Variants in ITCH observed in about 807,000 individuals in gnomAD.
The protein encoded by ITCH is itchy E3 ubiquitin protein ligase, also known as E3 ubiquitin-protein ligase Itchy homolog.
ITCH carries 28 observed loss-of-function variants against 126.8 expected under a neutral mutation model. The ratio of observed to expected loss-of-function variants is 0.22; its 90% confidence interval spans 0.16 to 0.30. ITCH has a LOEUF of 0.30. Among genes scored for constraint, ITCH ranks in the 10% least tolerant of loss-of-function variants. The pLI, the probability that ITCH is intolerant of heterozygous loss-of-function variation, is 1.00. For missense variants in ITCH, 631 were observed against 1,032.4 expected, an observed-to-expected ratio of 0.61 and a Z score of 5.33; for synonymous variants, 342 against 340.0, an observed-to-expected ratio of 1.01 and a Z score of -0.06.
Position 34,412,525 on chromosome 20 carries a change from C to G in ITCH, c.223C>G (p.Pro75Ala). 2.5e-6 allele frequency: 4 copies of G among 1,596,262 alleles called. No individual in the cohort carries two copies. The highest frequency in any genetic ancestry group is 1.1e-5 in the South Asian group (1 of 90,714). ...TTTTTTCACTTTTAGTATCGTTACC[C>G]CTGTGAGTAAATTACATTTTCGTGT... ...WKQPLTVIVT[P>A]VSKLHFRVWS... Residue 75 changes from proline (P) to alanine (A), a missense_variant, in exon 5 of 25, where the codon CCT becomes GCT. Coordinates refer to ENST00000374864, the MANE Select transcript of ITCH (RefSeq NM_031483.7).
At chr20:34,477,000 T>A (rs912375184) in intron 16 of ITCH, among the ~76,000 whole-genome samples, 1 of 152,200 alleles carries the variant, frequency 6.6e-6, no homozygotes, top group Admixed American at 6.5e-5. Context: ...GAGTAGTTTT[T>A]GTAGGTAGTT....
At chr20:34,419,704 G>A (rs1980487847) in intron 6 of ITCH, among the ~76,000 whole-genome samples, 1 of 152,126 alleles carries the variant, frequency 6.6e-6, no homozygotes, top group Non-Finnish European at 1.5e-5. Flanking sequence ...GCCCAGGCTG[G>A]AGGGCAGTGG....
chr20:34,504,411 C>G lies in ITCH; in HGVS notation c.2489+8C>G. 1 of 1,571,838 alleles carries G rather than the reference C, an allele frequency of 6.4e-7. No homozygotes were observed. The highest frequency in any genetic ancestry group is 8.8e-7 in the Non-Finnish European group (1 of 1,141,662). On this transcript the variant is annotated splice_region_variant and intron_variant, in intron 24 of 24. Coordinates refer to ENST00000374864, the MANE Select transcript of ITCH (RefSeq NM_031483.7). ...ACCCAGAAGTCATACCTGGTAAGTA[C>G]AATCAGAATGGATAGAGAAAACAGC...
chr20:34,431,522 A>T (rs1982288979), intron 7 of ITCH, among the ~76,000 whole-genome samples: 1 of 152,142 alleles, frequency 6.6e-6, no homozygotes, highest in Non-Finnish European at 1.5e-5. Flanking sequence ...AAGAGTAGAG[A>T]TTGATTTGGG....
chr20:34,412,489 T>C (rs748225633), intron 4 of ITCH, 26 bp from the exon 5 acceptor site: 2 of 1,529,628 alleles, frequency 1.3e-6, no homozygotes, highest in South Asian at 1.1e-5. Context: ...AAAAATAATA[T>C]TTTTTCCCTC....
chr20:34,502,546 A>G (rs1990326244), intron 23 of ITCH, among the ~76,000 whole-genome samples: 1 of 150,996 alleles, frequency 6.6e-6, no homozygotes, highest in Non-Finnish European at 1.5e-5. Flanking sequence ...CCCCATCTCT[A>G]CTAAAAATAC....
At chr20:34,384,793 T>C (rs992867439) in intron 2 of ITCH, among the ~76,000 whole-genome samples, 1 of 151,184 alleles carries the variant, frequency 6.6e-6, no homozygotes, top group African/African-American at 2.4e-5. Flanking sequence ...CCCAAGTACC[T>C]GGGACTACAG....
intron 7 of ITCH, among the ~76,000 whole-genome samples, chr20:34,425,785 C>T (rs570153293): frequency 6.6e-6 from 1 of 152,320 alleles, no homozygotes; most frequent in East Asian, 1.9e-4. Flanking sequence ...GCCACACTCC[C>T]CTCGCCAAGA....
chr20:34,503,880 TTTTGG>T (rs1990440153), intron 23 of ITCH, among the ~76,000 whole-genome samples: 1 of 118,162 alleles, frequency 8.5e-6, no homozygotes, highest in Non-Finnish European at 1.8e-5. Flanking sequence ...GTTTTTTTTT[TTTTGG>T]TTTTTTTTTT....
chr20:34,486,881 C>T (rs1043609915), intron 20 of ITCH, among the ~76,000 whole-genome samples: 33 of 151,440 alleles, frequency 2.2e-4, no homozygotes, highest in African/African-American at 7.3e-4. Context: ...GGGGTTTCAC[C>T]GTGTTGCCCA....
intron 3 of ITCH, among the ~76,000 whole-genome samples, chr20:34,399,699 G>A (rs1156532544): frequency 6.6e-6 from 1 of 151,852 alleles, no homozygotes; most frequent in African/African-American, 2.4e-5. Context: ...AAATTAGCCA[G>A]GTGTGGTCAT....
intron 14 of ITCH, among the ~76,000 whole-genome samples, chr20:34,464,594 T>A (rs1986872874): frequency 6.6e-6 from 1 of 152,090 alleles, no homozygotes; most frequent in Admixed American, 6.5e-5. Context: ...CCTGAAGTGT[T>A]GGGATTACAG....
At chr20:34,486,931 C>A (rs1408884900) in intron 20 of ITCH, among the ~76,000 whole-genome samples, 2 of 151,886 alleles carry the variant, frequency 1.3e-5, no homozygotes, top group African/African-American at 4.8e-5. Flanking sequence ...ATCCACCCAC[C>A]TCAGCCTCCC....
At chr20:34,370,742 A>G (rs1319582675) in intron 2 of ITCH, among the ~76,000 whole-genome samples, 2 of 152,060 alleles carry the variant, frequency 1.3e-5, no homozygotes, top group African/African-American at 2.4e-5. Context: ...GAAGGAAAAC[A>G]TGAGGACAAG....
intron 7 of ITCH, among the ~76,000 whole-genome samples, chr20:34,425,376 C>G (rs948815930): frequency 3.9e-5 from 6 of 151,982 alleles, no homozygotes; most frequent in Non-Finnish European, 5.9e-5. Context: ...GATATGGCCT[C>G]GTGGGAAAGG....
At chr20:34,456,188 A>G (rs547904348) in intron 12 of ITCH, among the ~76,000 whole-genome samples, 795 of 43,064 alleles carry the variant, frequency 0.018, 9 homozygotes, top group African/African-American at 0.07. Context: ...GTGTGTGTAT[A>G]TATATATATA....
intron 12 of ITCH, among the ~76,000 whole-genome samples, chr20:34,456,658 A>G (rs6058050): frequency 0.45 from 64,034 of 143,010 alleles, 14,923 homozygotes; most frequent in Middle Eastern, 0.5. Flanking sequence ...ATATATATAT[A>G]TGTGTGTGTG....
At position 34,509,523 on chromosome 20, in the gene ITCH, A is replaced by G. The variant is rs1311458741; in HGVS notation, c.*1729A>G. ...TTGTCTACTGTAAGATACTGCCATC[A>G]TAAAGCAGAGACTTACATGAGTGAA... On this transcript the variant is annotated 3_prime_UTR_variant, in exon 25 of 25. Transcript: ENST00000374864. The G allele has an allele frequency of 1.3e-5, 2 of 152,668 alleles. No individual in the cohort carries two copies. The highest frequency in any genetic ancestry group is 1.3e-4 in the Admixed American group (2 of 15,282). The allele number at this position is 152,668 out of a possible 1,614,324, so 9.5% of individuals were successfully genotyped here.
chr20:34,466,556 T>C (rs1233520542), intron 14 of ITCH: 1 of 430,328 alleles, frequency 2.3e-6, no homozygotes, highest in East Asian at 6.0e-5. Flanking sequence ...AATATTATTC[T>C]ATCATTCATT....
Sources: gnomAD v4.1 joint callset for allele counts (sites outside exome capture counted in the v4.1 genomes callset) on GRCh38, gnomAD v4.1.1 for gene constraint, MANE v1.5 for transcripts, NCBI Gene and HGNC (gene_info 2026-07-23, HGNC 2026-07-21) for gene names.